Variants in SGSM1 observed in about 807,000 individuals in gnomAD.
The protein encoded by SGSM1 is small G protein signaling modulator 1.
A neutral mutation model predicts 133.8 loss-of-function variants in SGSM1; 73 were observed. The observed-to-expected ratio is 0.55, with a 90% confidence interval of 0.45 to 0.66. SGSM1 has a LOEUF of 0.66. Among genes scored for constraint, SGSM1 ranks in the 30% least tolerant of loss-of-function variants. The pLI is 0.00. For missense variants in SGSM1, 1,213 were observed against 1,448.1 expected (o/e 0.84, Z 2.64); for synonymous variants, 563 against 573.0 (o/e 0.98, Z 0.25).
intron 13 of SGSM1, 61 bp downstream of exon 13, chr22:24,876,776 G>A (rs1301913494): frequency 3.7e-6 from 6 of 1,604,700 alleles, no homozygotes; most frequent in South Asian, 1.1e-5. Context: ...ATCTGTAGAT[G>A]CCCATGTCTT....
intron 2 of SGSM1, among the ~76,000 whole-genome samples, chr22:24,822,792 T>C (rs950024884): frequency 1.5e-4 from 23 of 152,218 alleles, no homozygotes; most frequent in African/African-American, 5.3e-4. Context: ...CACTGCAACA[T>C]GGGGCTCCAG....
intron 3 of SGSM1, 52 bp from the exon 4 acceptor site, chr22:24,847,582 G>A (rs1930218268): frequency 6.3e-7 from 1 of 1,588,960 alleles, no homozygotes; most frequent in Non-Finnish European, 8.6e-7. Flanking sequence ...GACATGCTGG[G>A]TGCTGGAGTG....
chr22:24,886,647 C>G lies in SGSM1; in HGVS notation c.1689C>G (p.Ile563Met). 6.4e-7 allele frequency: 1 copy of G among 1,558,014 alleles called. No individual in the cohort carries two copies. The highest frequency in any genetic ancestry group is 8.7e-7 in the Non-Finnish European group (1 of 1,150,920). The change falls in exon 16 of 25, where the codon ATC becomes ATG. Residue 563 changes from isoleucine (I) to methionine (M), a missense_variant. Physicochemically the swap from Ile to Met is conservative, Grantham distance 10. Coordinates refer to ENST00000400358, the MANE Select transcript of SGSM1 (RefSeq NM_001098497.3). Reference sequence around the variant, plus strand: ...TGCGCCTCATCTACTACGGGGGCATCCAGCCTGAGATCCGCAAGGCCGTGT... The same window carrying G: ...TGCGCCTCATCTACTACGGGGGCATGCAGCCTGAGATCCGCAAGGCCGTGT... ...ELLRLIYYGGIQPEIRKAVWP... is the reference protein window; with the variant it reads ...ELLRLIYYGGMQPEIRKAVWP...
intron 2 of SGSM1, among the ~76,000 whole-genome samples, chr22:24,823,284 C>T (rs2147797582): frequency 9.4e-6 from 1 of 105,836 alleles, no homozygotes; most frequent in Non-Finnish European, 2.0e-5. Context: ...ATGTATAAAG[C>T]ACTGAGCATG....
intron 12 of SGSM1, among the ~76,000 whole-genome samples, chr22:24,872,982 A>C (rs1931842438): frequency 6.8e-6 from 1 of 147,814 alleles, no homozygotes; most frequent in African/African-American, 2.5e-5. Context: ...TTTTTTTGGC[A>C]GGGTCTCGCT....
chr22:24,825,137 GC>G (rs1485570244), intron 2 of SGSM1, among the ~76,000 whole-genome samples: 12 of 152,210 alleles, frequency 7.9e-5, no homozygotes, highest in African/African-American at 2.9e-4. Context: ...GTTGCAGCTA[GC>G]CAGCTGGAGC....
chr22:24,912,160 T>G (rs184752461), intron 21 of SGSM1, among the ~76,000 whole-genome samples: 31 of 151,624 alleles, frequency 2.0e-4, no homozygotes, highest in Admixed American at 1.8e-3. Context: ...AACCAATTGA[T>G]GTAATGTGCT....
intron 20 of SGSM1, among the ~76,000 whole-genome samples, chr22:24,904,621 G>C (rs1232577352): frequency 6.6e-6 from 1 of 151,670 alleles, no homozygotes; most frequent in Non-Finnish European, 1.5e-5. Flanking sequence ...TGAGTATACA[G>C]TAAGAGCTCG....
At chr22:24,867,235 AT>A in intron 10 of SGSM1, 75 bp downstream of exon 10, 1 of 1,432,638 alleles carries the variant, frequency 7.0e-7, no homozygotes, top group Non-Finnish European at 9.8e-7. Flanking sequence ...CTGCCTATTC[AT>A]TAGCATCATG....
At chr22:24,906,551 C>A (rs1340705745) in intron 21 of SGSM1, among the ~76,000 whole-genome samples, 1 of 152,162 alleles carries the variant, frequency 6.6e-6, no homozygotes, top group Non-Finnish European at 1.5e-5. Context: ...GATCAATAAA[C>A]AAGAGTCTCT....
chr22:24,879,510 C>G lies in SGSM1; in HGVS notation c.1479C>G (p.Ser493=). ...ACAATATGAAGTACCAGATCCTCTC[C>G]AGAGCCTTCTATGGATGTACGTATA... ...LCDNMKYQIL[S]RAFYGWLAYC... The change falls in exon 14 of 25, where the codon TCC becomes TCG. Residue 493 remains serine, a synonymous_variant. Coordinates refer to ENST00000400358, the MANE Select transcript of SGSM1 (RefSeq NM_001098497.3). 6.2e-7 allele frequency: 1 copy of G among 1,613,702 alleles called. No individual in the cohort carries two copies. The highest frequency in any genetic ancestry group is 8.5e-7 in the Non-Finnish European group (1 of 1,179,820).
intron 16 of SGSM1, among the ~76,000 whole-genome samples, chr22:24,889,553 G>A (rs1487634719): frequency 6.6e-6 from 1 of 151,810 alleles, no homozygotes; most frequent in African/African-American, 2.4e-5. Flanking sequence ...GGGATTATAG[G>A]CATGCGCCAC....
At chr22:24,809,825 A>C (rs988573124) in intron 2 of SGSM1, among the ~76,000 whole-genome samples, 4 of 152,190 alleles carry the variant, frequency 2.6e-5, no homozygotes, top group African/African-American at 7.2e-5. Context: ...CAGAGATGTG[A>C]AGGAGAGGCA....
rs1400141289 is a variant in SGSM1 at position 24,847,695 on chromosome 22, C to T, written c.201C>T (p.Ser67=). The change falls in exon 4 of 25, where the codon AGC becomes AGT. Residue 67 remains serine, a synonymous_variant. Coordinates refer to ENST00000400358, the MANE Select transcript of SGSM1 (RefSeq NM_001098497.3). ...LRRRAAGFLR[S]NKIAALFMKV... is the part of the protein sequence containing the mutation. The stretch of plus-strand genomic sequence containing the variant: ...GGCGGGCGGCTGGCTTCCTACGCAG[C>T]AATAAGATTGCAGCCCTCTTTATGA... 6.2e-7 allele frequency: 1 copy of T among 1,613,888 alleles called. No homozygotes were observed. The highest frequency in any genetic ancestry group is 1.1e-5 in the South Asian group (1 of 91,070).
At chr22:24,818,840 C>T (rs1315629659) in intron 2 of SGSM1, among the ~76,000 whole-genome samples, 1 of 151,936 alleles carries the variant, frequency 6.6e-6, no homozygotes, top group Non-Finnish European at 1.5e-5. Flanking sequence ...ATAATAATAG[C>T]TTTCTGATAA....
chr22:24,871,780 A>T, intron 12 of SGSM1, among the ~76,000 whole-genome samples: 1 of 152,192 alleles, frequency 6.6e-6, no homozygotes. Context: ...TCTCAAGGTC[A>T]ACTTCAACCC....
chr22:24,810,043 C>T (rs1419746208), intron 2 of SGSM1, among the ~76,000 whole-genome samples: 3 of 151,976 alleles, frequency 2.0e-5, no homozygotes, highest in East Asian at 1.9e-4. Context: ...TTGAAGGAAC[C>T]GAAGTGACCG....
chr22:24,895,892 G>A (rs922475645), intron 18 of SGSM1, among the ~76,000 whole-genome samples: 2 of 151,880 alleles, frequency 1.3e-5, no homozygotes, highest in African/African-American at 2.4e-5. Flanking sequence ...CAAAAAATAC[G>A]AAAAAAATCA....
intron 15 of SGSM1, among the ~76,000 whole-genome samples, chr22:24,886,040 T>C (rs1932577501): frequency 6.6e-6 from 1 of 152,312 alleles, no homozygotes; most frequent in African/African-American, 2.4e-5. Context: ...ATTAGTATTC[T>C]AGAAGGACAG....
Sources: allele counts gnomAD v4.1 joint callset (sites outside exome capture counted in the v4.1 genomes callset), GRCh38; gene constraint gnomAD v4.1.1; transcripts MANE v1.5; gene names NCBI Gene and HGNC (gene_info 2026-07-23, HGNC 2026-07-21).